Variants in DMXL2 observed in about 807,000 individuals in gnomAD.
DMXL2 encodes dmX-like protein 2.
A neutral mutation model predicts 331.1 loss-of-function variants in DMXL2; 103 were observed. That is an observed-to-expected ratio of 0.31 (90% CI 0.27 to 0.37). The LOEUF is 0.37. Ranked by LOEUF, DMXL2 falls within the 10% of genes least tolerant of loss-of-function variation. The pLI, the probability that DMXL2 is intolerant of heterozygous loss-of-function variation, is 1.00. For missense variants in DMXL2, 3,171 were observed against 3,642.9 expected, an observed-to-expected ratio of 0.87 and a Z score of 3.33; for synonymous variants, 1,281 against 1,252.1, an observed-to-expected ratio of 1.02 and a Z score of -0.49.
rs777271861 is a variant in DMXL2, at chr15:51,498,972, G to T, written c.4252C>A (p.Arg1418=). The change falls in exon 18 of 44, where the codon CGA becomes AGA. Residue 1418 remains arginine, a synonymous_variant. Transcript: ENST00000560891. ...ATAGAATCTATCTCAGTATAATCTC[G>T]AGTACCATCTTTTCCTACGGTGACT... ...ETVTVGKDGT[R]DYTEIDSIPP... is the part of the protein sequence containing the mutation. The T allele has an allele frequency of 5.6e-6, 9 of 1,613,836 alleles. No individual in the cohort carries two copies. The highest frequency in any genetic ancestry group is 5.0e-5 in the Admixed American group (3 of 60,004).
At chr15:51,449,920 C>T (rs1221580462) in intron 43 of DMXL2, among the ~76,000 whole-genome samples, 1 of 152,044 alleles carries the variant, frequency 6.6e-6, no homozygotes, top group African/African-American at 2.4e-5. Context: ...TGGCCTGAGT[C>T]CAATGAGTTT....
At chr15:51,495,215 A>T (rs2043088805) in intron 18 of DMXL2, 81 bp from the exon 19 acceptor site, 1 of 787,748 alleles carries the variant, frequency 1.3e-6, no homozygotes, top group Non-Finnish European at 2.1e-6. Context: ...ACAAACATTA[A>T]ACTTAGTCAT....
At chr15:51,518,865 C>G (rs2047183655) in intron 13 of DMXL2, among the ~76,000 whole-genome samples, 2 of 152,168 alleles carry the variant, frequency 1.3e-5, no homozygotes, top group Non-Finnish European at 2.9e-5. Context: ...TCAACATCAC[C>G]TCCAACCAAG....
intron 6 of DMXL2, among the ~76,000 whole-genome samples, chr15:51,554,592 G>A (rs1404914680): frequency 6.6e-6 from 1 of 152,140 alleles, no homozygotes; most frequent in Non-Finnish European, 1.5e-5. Context: ...CAGAAATACT[G>A]TTTTATTATT....
At chr15:51,450,450 C>T in intron 42 of DMXL2, 104 bp from the exon 43 acceptor site, 3 of 1,050,260 alleles carry the variant, frequency 2.9e-6, no homozygotes, top group Non-Finnish European at 4.3e-6. Flanking sequence ...ATGCATTTTT[C>T]ATTCTAAGGT....
intron 34 of DMXL2, chr15:51,459,020 T>C (rs1031706701): frequency 1.2e-5 from 6 of 516,038 alleles, no homozygotes; most frequent in African/African-American, 7.6e-5. Flanking sequence ...TCCACTGTGA[T>C]GGTAAGATAC....
At chr15:51,593,333 G>A (rs2052541550) in intron 1 of DMXL2, among the ~76,000 whole-genome samples, 1 of 152,134 alleles carries the variant, frequency 6.6e-6, no homozygotes, top group Non-Finnish European at 1.5e-5. Flanking sequence ...ATTACATAAT[G>A]GTAAAGGGCT....
At chr15:51,606,819 T>C (rs1377921129) in intron 1 of DMXL2, among the ~76,000 whole-genome samples, 1 of 152,022 alleles carries the variant, frequency 6.6e-6, no homozygotes, top group Non-Finnish European at 1.5e-5. Context: ...ATTTGCAAAT[T>C]GATTAGAAAA....
rs527773429 is a variant in DMXL2 at position 51,458,699 on chromosome 15, G to C, written c.8076+10C>G. On this transcript the variant is annotated intron_variant, in intron 35 of 43. Transcript: ENST00000560891. Reference sequence around the variant, plus strand: ...AGAAATACACTGTGTATAATGATGAGAGCTTTTACCTTATTAACAGAAAAT... The same window carrying C: ...AGAAATACACTGTGTATAATGATGACAGCTTTTACCTTATTAACAGAAAAT... 3.1e-6 allele frequency: 5 copies of C among 1,613,900 alleles called. No homozygotes were observed. In the Admixed American group the frequency reaches 5.0e-5, roughly 16 times the overall value.
At chr15:51,512,567 T>C (rs2046819418) in intron 15 of DMXL2, among the ~76,000 whole-genome samples, 1 of 152,078 alleles carries the variant, frequency 6.6e-6, no homozygotes, top group Non-Finnish European at 1.5e-5. Flanking sequence ...TCCCAGCACT[T>C]TGGGAGTCAA....
rs201527127 is a variant in DMXL2, at chr15:51,456,720, T to TGAC, written c.8338-354_8338-352dup. On this transcript the variant is annotated intron_variant, in intron 37 of 43. Coordinates refer to ENST00000560891, the MANE Select transcript of DMXL2 (RefSeq NM_001378457.1). Reference sequence around the variant, plus strand: ...CCAGCTACAGTGACAAGAATGTTACTGACATGCTTTCAAGCACTTAGAAGT... The same window carrying TGAC: ...CCAGCTACAGTGACAAGAATGTTACTGACGACATGCTTTCAAGCACTTAGAAGT... Among the ~76,000 whole-genome samples the TGAC allele has an allele frequency of 2.7e-3, 406 of 152,398 alleles. 16 individuals carry two copies. The East Asian group carries it at 0.062, about 23-fold the overall frequency.
chr15:51,469,907 TAAACCTGG>T lies in DMXL2; in HGVS notation c.7392+1308_7392+1315del, dbSNP rs923245489. ...GTATAACTCGGACCCTGATAGAGTG[TAAACCTGG>T]AAATCTGCACTCACAATGTGCCTAA... On this transcript the variant is annotated intron_variant, in intron 29 of 43. Coordinates refer to ENST00000560891, the MANE Select transcript of DMXL2 (RefSeq NM_001378457.1). Among the ~76,000 whole-genome samples, 6 of 152,316 alleles carry T rather than the reference TAAACCTGG, an allele frequency of 3.9e-5. 1 individual carries two copies. The highest frequency in any genetic ancestry group is 1.4e-4 in the African/African-American group (6 of 41,570).
chr15:51,541,726 C>T (rs375504593), intron 9 of DMXL2, among the ~76,000 whole-genome samples: 1 of 152,088 alleles, frequency 6.6e-6, no homozygotes, highest in African/African-American at 2.4e-5. Context: ...AAATTTATAG[C>T]CTTTCTCCTA....
At chr15:51,607,622 T>G (rs559225946) in intron 1 of DMXL2, among the ~76,000 whole-genome samples, 1 of 152,182 alleles carries the variant, frequency 6.6e-6, no homozygotes, top group African/African-American at 2.4e-5. Flanking sequence ...ATGAAAGATA[T>G]TAATTTACAG....
At chr15:51,494,369 G>C (rs148030366) in intron 19 of DMXL2, among the ~76,000 whole-genome samples, 1 of 152,258 alleles carries the variant, frequency 6.6e-6, no homozygotes, top group Non-Finnish European at 1.5e-5. Flanking sequence ...CTCTTTCCAA[G>C]ATGTTGGTTT....
chr15:51,463,870 G>A (rs1016406956), intron 32 of DMXL2, among the ~76,000 whole-genome samples: 1 of 151,936 alleles, frequency 6.6e-6, no homozygotes, highest in African/African-American at 2.4e-5. Flanking sequence ...AGCCTAACAA[G>A]CTAAAAAGCT....
rs2054737715 is a variant in DMXL2 at position 51,622,684 on chromosome 15, C to T, written c.-139G>A. The T allele has an allele frequency of 2.8e-6, 4 of 1,410,736 alleles. No individual in the cohort carries two copies. In the East Asian group the frequency reaches 8.3e-5, roughly 29 times the overall value. The allele number at this position is 1,410,736 out of a possible 1,614,324, so 87.4% of individuals were successfully genotyped here. A position where few individuals can be genotyped will look rare whatever the true frequency, so the allele number is the denominator to read the frequency against. ...CGGAGGCTCTGGCTTAACTCCTCGC[C>T]CCCCTTTCGCCTTCCCTCCGCCTCG... On this transcript the variant is annotated 5_prime_UTR_variant, in exon 1 of 44. Coordinates refer to ENST00000560891, the MANE Select transcript of DMXL2 (RefSeq NM_001378457.1).
Position 51,612,877 on chromosome 15 carries a change from A to G in DMXL2, c.87+9582T>C, listed in dbSNP as rs373421012. 2.9e-4 allele frequency among the ~76,000 whole-genome samples: 44 copies of G among 152,312 alleles called. No homozygotes were observed. In the East Asian group the frequency reaches 6.6e-3, roughly 23 times the overall value. ...TATTTCATCCCCCATCTATGACCGT[A>G]AAAGACAGCCAGCCCCAAAGCAGCC... On this transcript the variant is annotated intron_variant, in intron 1 of 43. Transcript: ENST00000560891.
intron 13 of DMXL2, among the ~76,000 whole-genome samples, chr15:51,530,664 A>G (rs2047950503): frequency 6.6e-6 from 1 of 152,114 alleles, no homozygotes; most frequent in African/African-American, 2.4e-5. Context: ...CTGAGGCAGA[A>G]GAATCACTTG....
Sources: allele counts gnomAD v4.1 joint callset (sites outside exome capture counted in the v4.1 genomes callset), GRCh38; gene constraint gnomAD v4.1.1; transcripts MANE v1.5; gene names NCBI Gene and HGNC (gene_info 2026-07-23, HGNC 2026-07-21).